Variants in LONP2 observed in about 807,000 individuals in gnomAD.
LONP2 encodes the protein lon peptidase 2, peroxisomal.
In LONP2, 60 loss-of-function variants were observed where a neutral mutation model predicts 85.6. The ratio of observed to expected loss-of-function variants is 0.70; its 90% CI spans 0.57 to 0.87. LONP2 has a LOEUF of 0.87. Among genes scored for constraint, LONP2 ranks in the 40% least tolerant of loss-of-function variants. The pLI, the probability that LONP2 is intolerant of heterozygous loss-of-function variation, is 0.00. For missense variants in LONP2, 860 were observed against 1,063.5 expected, an observed-to-expected ratio of 0.81 and a Z score of 2.66; for synonymous variants, 395 against 389.7, an observed-to-expected ratio of 1.01 and a Z score of -0.16.
At chr16:48,348,316 G>T in intron 14 of LONP2, 26 bp downstream of exon 14, 11 of 1,333,412 alleles carry the variant, frequency 8.2e-6, no homozygotes, top group East Asian at 5.5e-5. Flanking sequence ...CAATTTATAT[G>T]GTTATTTTTT....
intron 12 of LONP2, chr16:48,334,705 C>A: frequency 1.8e-6 from 1 of 557,170 alleles, no homozygotes; most frequent in Non-Finnish European, 3.5e-6. Context: ...GGCCATCCTT[C>A]AGCTGTTTGC....
intron 11 of LONP2, among the ~76,000 whole-genome samples, chr16:48,331,561 ATTT>A (rs776848824): frequency 2.4e-4 from 36 of 147,424 alleles, no homozygotes; most frequent in Non-Finnish European, 4.9e-4. Context: ...TCTCCAAAGG[ATTT>A]TCTTTTTTTT....
At chr16:48,273,878 A>AATCCTTGTCTCAACTTTCAC (rs1439239649) in intron 7 of LONP2, among the ~76,000 whole-genome samples, 1 of 152,180 alleles carries the variant, frequency 6.6e-6, no homozygotes, top group East Asian at 1.9e-4. Context: ...TATTGCAAGA[A>AATCCTTGTCTCAACTTTCAC]ATCCTTGTCT....
At position 48,261,365 on chromosome 16, in the gene LONP2, G is replaced by A. The variant is rs1971869464; in HGVS notation, c.724-59G>A. ...CCAGTCATAATCTTATGTGTACCTG[G>A]GTACTTCGTTTCCAATTTATTTTGA... On this transcript the variant is annotated intron_variant, in intron 4 of 14. Coordinates refer to ENST00000285737, the MANE Select transcript of LONP2 (RefSeq NM_031490.5). The A allele has an allele frequency of 1.3e-5, 17 of 1,273,052 alleles. No homozygotes were observed. In the South Asian group the frequency reaches 2.6e-4, roughly 20 times the overall value. The allele number at this position is 1,273,052 out of a possible 1,614,324, so 78.9% of individuals were successfully genotyped here.
At chr16:48,284,870 T>C (rs1350093956) in intron 8 of LONP2, among the ~76,000 whole-genome samples, 1 of 152,218 alleles carries the variant, frequency 6.6e-6, no homozygotes, top group Non-Finnish European at 1.5e-5. Flanking sequence ...ATTACTGCTT[T>C]ATGCCATTAT....
At chr16:48,275,165 G>T (rs550815897) in intron 7 of LONP2, among the ~76,000 whole-genome samples, 2 of 152,184 alleles carry the variant, frequency 1.3e-5, no homozygotes, top group South Asian at 4.1e-4. Flanking sequence ...GCCAGGGACC[G>T]TGCTGTGTGC....
intron 11 of LONP2, among the ~76,000 whole-genome samples, chr16:48,320,492 A>G (rs1027678910): frequency 2.6e-5 from 4 of 152,106 alleles, no homozygotes; most frequent in Non-Finnish European, 2.9e-5. Flanking sequence ...TAGTGTTGTT[A>G]GAGCTAATTG....
At chr16:48,256,077 G>A (rs1312227351) in intron 2 of LONP2, among the ~76,000 whole-genome samples, 1 of 152,162 alleles carries the variant, frequency 6.6e-6, no homozygotes, top group Non-Finnish European at 1.5e-5. Flanking sequence ...TTGTGATTAT[G>A]TAAGAGAATA....
chr16:48,309,362 G>A (rs2043678156), intron 11 of LONP2, among the ~76,000 whole-genome samples: 1 of 152,150 alleles, frequency 6.6e-6, no homozygotes, highest in Non-Finnish European at 1.5e-5. Flanking sequence ...CGTTTTATCT[G>A]ATATAAAAAG....
At chr16:48,246,348 C>T (rs957475726) in intron 1 of LONP2, among the ~76,000 whole-genome samples, 5 of 152,220 alleles carry the variant, frequency 3.3e-5, no homozygotes, top group African/African-American at 1.2e-4. Context: ...TCTGCTCCTT[C>T]TGCTTACTTT....
chr16:48,256,471 A>T, intron 2 of LONP2, 139 bp from the exon 3 acceptor site: 2 of 802,098 alleles, frequency 2.5e-6, no homozygotes, highest in Non-Finnish European at 4.0e-6. Flanking sequence ...GGCCTGTAAA[A>T]TACGTGGACT....
At chr16:48,306,377 C>T (rs1389185859) in intron 11 of LONP2, among the ~76,000 whole-genome samples, 1 of 152,122 alleles carries the variant, frequency 6.6e-6, no homozygotes, top group Non-Finnish European at 1.5e-5. Flanking sequence ...AAATAACCCA[C>T]AAATACTCAA....
chr16:48,320,355 G>A (rs879117416), intron 11 of LONP2, among the ~76,000 whole-genome samples: 3 of 152,044 alleles, frequency 2.0e-5, no homozygotes, highest in Admixed American at 2.0e-4. Flanking sequence ...TCCTTTGATT[G>A]TATTAGTAGC....
intron 8 of LONP2, among the ~76,000 whole-genome samples, chr16:48,281,031 A>ATAGTTT (rs1204144583): frequency 3.3e-5 from 5 of 152,196 alleles, no homozygotes; most frequent in Non-Finnish European, 7.3e-5. Flanking sequence ...AGACCCAAGT[A>ATAGTTT]TAGTTTTATT....
At chr16:48,338,288 A>G (rs1167250395) in intron 12 of LONP2, among the ~76,000 whole-genome samples, 1 of 152,204 alleles carries the variant, frequency 6.6e-6, no homozygotes, top group Non-Finnish European at 1.5e-5. Flanking sequence ...CATGGATCCC[A>G]CTTTAATGCA....
chr16:48,312,926 T>C (rs577942716), intron 11 of LONP2, among the ~76,000 whole-genome samples: 5 of 152,250 alleles, frequency 3.3e-5, no homozygotes, highest in Admixed American at 3.3e-4. Context: ...GGGTAGATTG[T>C]GGGGTGAAGC....
rs760015397 is a variant in LONP2 at position 48,262,815 on chromosome 16, C to G, written c.925C>G (p.Leu309Val). 1 of 1,612,476 alleles carries G rather than the reference C, an allele frequency of 6.2e-7. No individual in the cohort carries two copies. Among genetic ancestry groups the G allele is most frequent in the Non-Finnish European group, 8.5e-7 (1 of 1,179,160 alleles). The stretch of plus-strand genomic sequence containing the variant: ...GCCTCAGTCAATGCCAGAATATGCT[C>G]TGACTAGAAATTATTTGGAACTTAT... ...KMPQSMPEYA[L>V]TRNYLELMVE... The change falls in exon 6 of 15, where the codon CTG (leucine) becomes GTG (valine). Residue 309 changes from leucine (L) to valine (V), a missense_variant. Around this residue, in one of 3 missense-constraint regions of LONP2, gnomAD observed 743 missense variants for 917.3 expected, o/e 0.81. Transcript: ENST00000285737.
At chr16:48,287,298 A>G (rs1238903544) in intron 8 of LONP2, among the ~76,000 whole-genome samples, 1 of 152,258 alleles carries the variant, frequency 6.6e-6, no homozygotes, top group Non-Finnish European at 1.5e-5. Context: ...CTGCACATTC[A>G]CATGAAATTT....
At chr16:48,302,590 T>G (rs1324447625) in intron 10 of LONP2, among the ~76,000 whole-genome samples, 1 of 152,258 alleles carries the variant, frequency 6.6e-6, no homozygotes, top group Non-Finnish European at 1.5e-5. Context: ...CATAGCATCT[T>G]TTTCACAAAG....
Sources: allele counts gnomAD v4.1 joint callset (sites outside exome capture counted in the v4.1 genomes callset), GRCh38; gene constraint gnomAD v4.1.1; regional missense constraint gnomAD v4.1.1; transcripts MANE v1.5; gene names NCBI Gene and HGNC (gene_info 2026-07-23, HGNC 2026-07-21).